FBXL20: variants seen among roughly 807,000 people sequenced by gnomAD.
FBXL20 encodes the protein F-box and leucine rich repeat protein 20, also known as F-box/LRR-repeat protein 20.
Under a neutral mutation model 64.0 loss-of-function variants are expected in FBXL20, and 11 were observed. The observed-to-expected ratio is 0.17, with a 90% CI of 0.11 to 0.28. The LOEUF (loss-of-function observed/expected upper bound fraction) is 0.28, where lower values mean the gene tolerates loss of function less well. Among genes scored for constraint, FBXL20 ranks in the 10% least tolerant of loss-of-function variants. The probability of loss-of-function intolerance (pLI) is 1.00; values close to 1 mark genes in which losing one functional copy is unlikely to be tolerated. For synonymous variants in FBXL20, 184 were observed against 189.0 expected (o/e 0.97, Z 0.22); for missense variants, 303 against 526.2 (o/e 0.58, Z 4.15).
At position 39,259,316 on chromosome 17, in the gene FBXL20, T is replaced by C. The variant is rs997721733; in HGVS notation, c.*2144A>G. 2 of 151,566 alleles carry C rather than the reference T, an allele frequency of 1.3e-5. No individual in the cohort carries two copies. The highest frequency in any genetic ancestry group is 4.8e-5 in the African/African-American group (2 of 41,252). 9.4% of individuals were successfully genotyped at this position (151,566 alleles called of 1,614,324 possible). ...CCATCTCTAAAAAAATAAAATAAAATAAAATAAATAAATAAAACAAGCCTT... is the reference window on the plus strand; with the variant it reads ...CCATCTCTAAAAAAATAAAATAAAACAAAATAAATAAATAAAACAAGCCTT... On this transcript the variant is annotated 3_prime_UTR_variant, in exon 15 of 15. Coordinates refer to ENST00000264658, the MANE Select transcript of FBXL20 (RefSeq NM_032875.3).
chr17:39,358,419 A>G (rs1043691826), intron 1 of FBXL20, among the ~76,000 whole-genome samples: 1 of 152,232 alleles, frequency 6.6e-6, no homozygotes, highest in Non-Finnish European at 1.5e-5. Context: ...GCAGTGGCTC[A>G]TGCCTGTAAT....
At chr17:39,332,252 A>G (rs1442493075) in intron 2 of FBXL20, among the ~76,000 whole-genome samples, 2 of 152,216 alleles carry the variant, frequency 1.3e-5, no homozygotes, top group Non-Finnish European at 2.9e-5. Context: ...CATGTGCAGA[A>G]AAGAGTTAAC....
At chr17:39,392,284 A>T (rs962986820) in intron 1 of FBXL20, among the ~76,000 whole-genome samples, 1 of 151,908 alleles carries the variant, frequency 6.6e-6, no homozygotes, top group Non-Finnish European at 1.5e-5. Flanking sequence ...TACTAAAAAC[A>T]CAAAAATTAG....
intron 14 of FBXL20, 199 bp downstream of exon 14, chr17:39,263,976 T>A: frequency 1.7e-6 from 1 of 584,244 alleles, no homozygotes; most frequent in Non-Finnish European, 3.0e-6. Context: ...CTTCAGTGGG[T>A]CTTTTCCTAC....
intron 9 of FBXL20, 138 bp from the exon 10 acceptor site, chr17:39,275,238 T>G: frequency 2.3e-6 from 2 of 884,254 alleles, no homozygotes; most frequent in Non-Finnish European, 3.3e-6. Context: ...ATAGCAGACC[T>G]AAAAGAAAAT....
chr17:39,283,825 T>C (rs2046967458), intron 7 of FBXL20, among the ~76,000 whole-genome samples: 1 of 152,196 alleles, frequency 6.6e-6, no homozygotes, highest in Non-Finnish European at 1.5e-5. Flanking sequence ...TATGGATGAA[T>C]TCCAAGTTTT....
chr17:39,320,875 C>A (rs1378414120), intron 2 of FBXL20, among the ~76,000 whole-genome samples: 1 of 152,144 alleles, frequency 6.6e-6, no homozygotes, highest in African/African-American at 2.4e-5. Context: ...TGACTACAAG[C>A]CGTGCTCGGC....
chr17:39,345,976 T>C lies in FBXL20; in HGVS notation c.43-2735A>G, dbSNP rs552653937. ...TGCTACATGGCAGGAAATCAATAAA[T>C]CTACCTCTGGGCAACATGGTGAAAT... On this transcript the variant is annotated intron_variant, in intron 1 of 14. Transcript: ENST00000264658. Among the ~76,000 whole-genome samples, 7 of 152,182 alleles carry C rather than the reference T, an allele frequency of 4.6e-5. No homozygotes were observed. In the East Asian group the frequency reaches 1.4e-3, roughly 29 times the overall value.
chr17:39,277,595 A>G (rs968546080), intron 9 of FBXL20, among the ~76,000 whole-genome samples: 33 of 151,942 alleles, frequency 2.2e-4, no homozygotes, highest in African/African-American at 7.7e-4. Context: ...TCTACTAAAG[A>G]TACATAAAAT....
intron 12 of FBXL20, among the ~76,000 whole-genome samples, chr17:39,265,935 C>G (rs979467782): frequency 6.6e-6 from 1 of 152,054 alleles, no homozygotes; most frequent in African/African-American, 2.4e-5. Context: ...TGGGCAGAAA[C>G]AGGGTCTTGT....
At chr17:39,280,368 C>G (rs2037529551) in intron 9 of FBXL20, among the ~76,000 whole-genome samples, 1 of 147,158 alleles carries the variant, frequency 6.8e-6, no homozygotes, top group South Asian at 2.2e-4. Flanking sequence ...CGTCACTGCA[C>G]TCTAGCCTGG....
intron 1 of FBXL20, among the ~76,000 whole-genome samples, chr17:39,354,321 G>C (rs1311397120): frequency 6.6e-6 from 1 of 152,100 alleles, no homozygotes; most frequent in African/African-American, 2.4e-5. Flanking sequence ...ATTTTCTTTA[G>C]AGTACCTGTG....
At position 39,401,617 on chromosome 17, in the gene FBXL20, G is replaced by T. The variant is rs928500610; in HGVS notation, c.-215C>A. On this transcript the variant is annotated 5_prime_UTR_variant, in exon 1 of 15. Transcript: ENST00000264658. ...CGCAACGACTGCTCGTCGCTAGCTC[G>T]GCTCTCTCCTCAGCCTCAACTTCAA... The T allele has an allele frequency of 7.1e-7, 1 of 1,399,890 alleles. No homozygotes were observed. The highest frequency in any genetic ancestry group is 9.2e-7 in the Non-Finnish European group (1 of 1,085,676). The allele number at this position is 1,399,890 out of a possible 1,614,324, so 86.7% of individuals were successfully genotyped here.
chr17:39,352,007 T>C (rs1567892396), intron 1 of FBXL20, among the ~76,000 whole-genome samples: 1 of 152,218 alleles, frequency 6.6e-6, no homozygotes, highest in Non-Finnish European at 1.5e-5. Context: ...TATCATCTAA[T>C]AGAGTTTGTG....
At chr17:39,349,222 A>G (rs2047663252) in intron 1 of FBXL20, among the ~76,000 whole-genome samples, 1 of 150,270 alleles carries the variant, frequency 6.7e-6, no homozygotes, top group East Asian at 2.0e-4. Flanking sequence ...ACTGCACTCC[A>G]GCCTGGGGAA....
chr17:39,277,260 A>G (rs995099409), intron 9 of FBXL20, among the ~76,000 whole-genome samples: 11 of 152,222 alleles, frequency 7.2e-5, no homozygotes, highest in African/African-American at 2.7e-4. Flanking sequence ...GTCCCACACA[A>G]ACATGATGTA....
chr17:39,348,085 T>C (rs1292256298), intron 1 of FBXL20, among the ~76,000 whole-genome samples: 1 of 122,346 alleles, frequency 8.2e-6, no homozygotes, highest in Non-Finnish European at 1.6e-5. Flanking sequence ...GTTGGGTTCG[T>C]CTTTTTTTTT....
At chr17:39,374,405 G>A (rs555823561) in intron 1 of FBXL20, among the ~76,000 whole-genome samples, 40 of 151,476 alleles carry the variant, frequency 2.6e-4, no homozygotes, top group African/African-American at 5.8e-4. Context: ...GCCTGATGGC[G>A]GGTACCTGTA....
chr17:39,296,125 C>T (rs1048246162), intron 6 of FBXL20, among the ~76,000 whole-genome samples: 13 of 152,118 alleles, frequency 8.5e-5, no homozygotes, highest in Middle Eastern at 3.4e-3. Flanking sequence ...CTTTATAACA[C>T]TAAGTACTCA....
Sources: gnomAD v4.1 joint callset for allele counts (sites outside exome capture counted in the v4.1 genomes callset) on GRCh38, gnomAD v4.1.1 for gene constraint, MANE v1.5 for transcripts, NCBI Gene and HGNC (gene_info 2026-07-23, HGNC 2026-07-21) for gene names.